Variants in THADA observed in about 807,000 individuals in gnomAD.
THADA encodes THADA armadillo repeat containing, also known as tRNA (32-2'-O)-methyltransferase regulator THADA.
Under a neutral mutation model 219.8 loss-of-function variants are expected in THADA, and 213 were observed. The ratio of observed to expected loss-of-function variants is 0.97; its 90% confidence interval spans 0.87 to 1.09. The LOEUF (loss-of-function observed/expected upper bound fraction) is 1.09, where lower values mean the gene tolerates loss of function less well. THADA is among the 50% of genes least tolerant of loss of function. THADA has a pLI of 0.00. For missense variants in THADA, 2,956 were observed against 2,311.3 expected, an observed-to-expected ratio of 1.28 and a Z score of -5.72; for synonymous variants, 1,018 against 828.9, an observed-to-expected ratio of 1.23 and a Z score of -3.92.
At chr2:43,259,792 A>T (rs1239579275) in intron 36 of THADA, among the ~76,000 whole-genome samples, 1 of 152,240 alleles carries the variant, frequency 6.6e-6, no homozygotes. Flanking sequence ...GGAATACCTT[A>T]TACATATATC....
At chr2:43,303,245 T>C (rs1676468067) in intron 31 of THADA, among the ~76,000 whole-genome samples, 1 of 152,228 alleles carries the variant, frequency 6.6e-6, no homozygotes, top group South Asian at 2.1e-4. Context: ...AGATGTGTTA[T>C]CTTAGCAGTG....
At chr2:43,563,610 T>A (rs957875988) in intron 15 of THADA, 2 of 152,200 alleles carry the variant, frequency 1.3e-5, no homozygotes, top group African/African-American at 4.8e-5. Context: ...GCTTGACATA[T>A]AATAAGCACG....
intron 30 of THADA, among the ~76,000 whole-genome samples, chr2:43,321,483 G>C (rs985257681): frequency 6.6e-6 from 1 of 152,130 alleles, no homozygotes; most frequent in Non-Finnish European, 1.5e-5. Context: ...GAGGTGATTG[G>C]GTCATGAGGG....
chr2:43,559,523 C>T (rs1199702024), intron 16 of THADA, among the ~76,000 whole-genome samples: 1 of 152,184 alleles, frequency 6.6e-6, no homozygotes, highest in East Asian at 1.9e-4. Context: ...CATAGCTAAG[C>T]TCCAGAACCA....
In THADA at chr2:43,236,026, G is replaced by A. The variant is rs13406699; in HGVS notation, c.5297-3144C>T. The stretch of plus-strand genomic sequence containing the variant: ...GGGTTTCACCGTGTTAGCCATGATG[G>A]TCTCGATCTCCTGACCTTGTGATCC... On this transcript the variant is annotated intron_variant, in intron 36 of 37. Coordinates refer to ENST00000405975, the MANE Select transcript of THADA (RefSeq NM_022065.5). Among the ~76,000 whole-genome samples the A allele has an allele frequency of 5.4e-3, 818 of 152,122 alleles. 12 individuals are homozygous for A. The highest frequency in any genetic ancestry group is 0.019 in the African/African-American group (786 of 41,490).
intron 15 of THADA, among the ~76,000 whole-genome samples, chr2:43,561,731 G>A (rs1017510053): frequency 3.9e-5 from 6 of 151,968 alleles, no homozygotes; most frequent in African/African-American, 1.5e-4. Flanking sequence ...CAATCTCACT[G>A]CTTTTTATTT....
intron 31 of THADA, among the ~76,000 whole-genome samples, chr2:43,304,427 T>C (rs1196831780): frequency 6.6e-6 from 1 of 152,184 alleles, no homozygotes; most frequent in Admixed American, 6.5e-5. Context: ...ATGTCACTTA[T>C]AAGTGCAAAT....
At chr2:43,515,085 AATAT>A (rs1457432552) in intron 22 of THADA, among the ~76,000 whole-genome samples, 1 of 9,342 alleles carries the variant, frequency 1.1e-4, no homozygotes, top group Non-Finnish European at 1.9e-4. Context: ...AATATATATA[AATAT>A]ATATATTATA....
intron 36 of THADA, among the ~76,000 whole-genome samples, chr2:43,266,815 C>T (rs1438658543): frequency 6.6e-6 from 1 of 152,130 alleles, no homozygotes; most frequent in African/African-American, 2.4e-5. Context: ...GACACTTAAC[C>T]AGGTTGACTG....
rs184463227 is a variant in THADA at position 43,368,664 on chromosome 2, C to T, written c.4228-24427G>A. ...CCTCTTGTCTCAGGCTCCCAAAGTGCTGCTGGGGTTAAAGGCATGAGTCAC... is the reference window on the plus strand; with the variant it reads ...CCTCTTGTCTCAGGCTCCCAAAGTGTTGCTGGGGTTAAAGGCATGAGTCAC... On this transcript the variant is annotated intron_variant, in intron 29 of 37. Coordinates refer to ENST00000405975, the MANE Select transcript of THADA (RefSeq NM_022065.5). 1.5e-3 allele frequency among the ~76,000 whole-genome samples: 222 copies of T among 152,138 alleles called. 1 individual carries two copies. The highest frequency in any genetic ancestry group is 5.1e-3 in the African/African-American group (211 of 41,496).
intron 26 of THADA, among the ~76,000 whole-genome samples, chr2:43,482,893 G>A (rs1052024335): frequency 6.6e-6 from 1 of 152,142 alleles, no homozygotes; most frequent in African/African-American, 2.4e-5. Context: ...AATAGCCCTA[G>A]GAGTAGACAG....
chr2:43,479,759 C>A (rs560529461), intron 26 of THADA, among the ~76,000 whole-genome samples: 6 of 152,222 alleles, frequency 3.9e-5, no homozygotes, highest in African/African-American at 1.4e-4. Context: ...AAACCTTGAG[C>A]CTTGCTCCTC....
At chr2:43,370,023 C>G (rs2104618398) in intron 29 of THADA, 1 of 152,288 alleles carries the variant, frequency 6.6e-6, no homozygotes, top group Admixed American at 6.5e-5. Context: ...TTAATTAGCA[C>G]AGTACTGAGC....
At chr2:43,504,619 C>T (rs1689423121) in intron 24 of THADA, among the ~76,000 whole-genome samples, 1 of 152,172 alleles carries the variant, frequency 6.6e-6, no homozygotes, top group Admixed American at 6.5e-5. Flanking sequence ...GTGGCTCACA[C>T]CTGTAATCCT....
chr2:43,457,589 T>C lies in THADA; in HGVS notation c.3837-27287A>G, dbSNP rs150422080. Among the ~76,000 whole-genome samples, 927 of 152,312 alleles carry C rather than the reference T, an allele frequency of 6.1e-3. 10 individuals are homozygous for C. Among genetic ancestry groups the C allele is most frequent in the Non-Finnish European group, 5.8e-3 (392 of 68,020 alleles). On this transcript the variant is annotated intron_variant, in intron 26 of 37. Transcript: ENST00000405975. Reference sequence around the variant, plus strand: ...GGAACAGTTACTGATAGTTTTCATATGTAAATTCTGGCATTCCATCTTATT... The same window carrying C: ...GGAACAGTTACTGATAGTTTTCATACGTAAATTCTGGCATTCCATCTTATT...
intron 15 of THADA, chr2:43,566,298 G>A: frequency 5.7e-6 from 3 of 526,434 alleles, no homozygotes; most frequent in Non-Finnish European, 3.4e-6. Context: ...GCATGTAAAG[G>A]AAACCACATT....
intron 36 of THADA, 106 bp downstream of exon 36, chr2:43,279,659 C>A (rs187840783): frequency 1.1e-5 from 16 of 1,398,870 alleles, no homozygotes; most frequent in Admixed American, 3.3e-5. Context: ...GAGACACAGA[C>A]CAAATGACCA....
At chr2:43,400,464 T>C (rs904976473) in intron 28 of THADA, among the ~76,000 whole-genome samples, 1 of 142,710 alleles carries the variant, frequency 7.0e-6, no homozygotes, top group African/African-American at 2.6e-5. Context: ...AATTTATATA[T>C]ATATATATAT....
chr2:43,356,781 A>T (rs1429923647), intron 29 of THADA, among the ~76,000 whole-genome samples: 7 of 152,204 alleles, frequency 4.6e-5, no homozygotes, highest in Non-Finnish European at 1.0e-4. Context: ...GAAAGAAAAA[A>T]TATTTTCCTT....
Sources: gnomAD v4.1 joint callset for allele counts (sites outside exome capture counted in the v4.1 genomes callset) on GRCh38, gnomAD v4.1.1 for gene constraint, MANE v1.5 for transcripts, NCBI Gene and HGNC (gene_info 2026-07-23, HGNC 2026-07-21) for gene names.